TRAF3: variants seen among roughly 807,000 people sequenced by gnomAD.
The protein encoded by TRAF3 is TNF receptor associated factor 3.
Under a neutral mutation model 62.3 loss-of-function variants are expected in TRAF3, and 13 were observed. That is an observed-to-expected ratio of 0.21 (90% CI 0.14 to 0.33). The LOEUF is 0.33. Among genes scored for constraint, TRAF3 ranks in the 10% least tolerant of loss-of-function variants. TRAF3 has a pLI of 1.00. For synonymous variants in TRAF3, 269 were observed against 283.4 expected (o/e 0.95, Z 0.51); for missense variants, 440 against 741.8 (o/e 0.59, Z 4.73).
chr14:102,837,590 C>T (rs988191532), intron 2 of TRAF3, among the ~76,000 whole-genome samples: 5 of 151,676 alleles, frequency 3.3e-5, no homozygotes, highest in Non-Finnish European at 7.4e-5. Context: ...ATATATGAGT[C>T]CTAAGGGAGT....
chr14:102,818,658 C>G (rs1417743080), intron 1 of TRAF3, among the ~76,000 whole-genome samples: 1 of 152,208 alleles, frequency 6.6e-6, no homozygotes, highest in South Asian at 2.1e-4. Flanking sequence ...CTGTTCTACT[C>G]TACGCTTCTT....
chr14:102,837,682 C>T (rs1886112492), intron 2 of TRAF3, among the ~76,000 whole-genome samples: 1 of 151,902 alleles, frequency 6.6e-6, no homozygotes. Flanking sequence ...GGGGTGGATG[C>T]ATCTATTGGG....
At chr14:102,864,151 T>C (rs552046384) in intron 2 of TRAF3, among the ~76,000 whole-genome samples, 448 of 149,454 alleles carry the variant, frequency 3.0e-3, no homozygotes, top group South Asian at 0.012. Context: ...CTTTTTCTTT[T>C]TTTTTTTTTT....
intron 1 of TRAF3, among the ~76,000 whole-genome samples, chr14:102,783,516 A>G (rs1218346617): frequency 6.6e-6 from 1 of 152,230 alleles, no homozygotes; most frequent in African/African-American, 2.4e-5. Flanking sequence ...TTTAGGTTTC[A>G]GAGGCTTTTC....
At chr14:102,787,405 G>A (rs1439298036) in intron 1 of TRAF3, among the ~76,000 whole-genome samples, 1 of 151,974 alleles carries the variant, frequency 6.6e-6, no homozygotes, top group Non-Finnish European at 1.5e-5. Context: ...GGCTGGGCGT[G>A]GTGGCTCACG....
chr14:102,858,716 A>G (rs551435888), intron 2 of TRAF3, among the ~76,000 whole-genome samples: 1 of 152,370 alleles, frequency 6.6e-6, no homozygotes, highest in South Asian at 2.1e-4. Context: ...TCACAATTCT[A>G]GGAGTTTCCC....
intron 1 of TRAF3, among the ~76,000 whole-genome samples, chr14:102,800,055 C>G (rs1178214371): frequency 2.0e-5 from 3 of 152,166 alleles, no homozygotes; most frequent in Non-Finnish European, 4.4e-5. Flanking sequence ...GGGCTGCCTT[C>G]TCAGAGCCCT....
chr14:102,792,462 G>A (rs1476546184), intron 1 of TRAF3, among the ~76,000 whole-genome samples: 1 of 147,524 alleles, frequency 6.8e-6, no homozygotes, highest in Non-Finnish European at 1.5e-5. Context: ...TTTAGTGATG[G>A]GGTCTTGCTG....
At chr14:102,848,773 T>C (rs1197649629) in intron 2 of TRAF3, among the ~76,000 whole-genome samples, 1 of 152,208 alleles carries the variant, frequency 6.6e-6, no homozygotes, top group Non-Finnish European at 1.5e-5. Flanking sequence ...TGTTCAGTAG[T>C]CAGAAGTTCC....
chr14:102,843,171 C>G (rs982242261), intron 2 of TRAF3, among the ~76,000 whole-genome samples: 4 of 151,032 alleles, frequency 2.6e-5, no homozygotes, highest in Non-Finnish European at 4.4e-5. Flanking sequence ...CCACTGCACT[C>G]TAGCCTGGGC....
At chr14:102,854,261 T>G (rs1243780481) in intron 2 of TRAF3, among the ~76,000 whole-genome samples, 1 of 152,170 alleles carries the variant, frequency 6.6e-6, no homozygotes, top group Non-Finnish European at 1.5e-5. Context: ...TGTGAACAAG[T>G]TTTTGCGTGA....
chr14:102,870,324 A>G lies in TRAF3; in HGVS notation c.123A>G (p.Glu41=). The change falls in exon 3 of 12, where the codon GAA becomes GAG. Residue 41 remains glutamate (E), a synonymous_variant. Coordinates refer to ENST00000392745, the MANE Select transcript of TRAF3 (RefSeq NM_145725.3). The stretch of plus-strand genomic sequence containing the variant: ...TCCCTGAACAAGGAGGTTACAAGGA[A>G]AAGTTTGTGAAGACCGTGGAGGACA... ...VFVPEQGGYK[E]KFVKTVEDKY... 1 of 1,614,186 alleles carries G rather than the reference A, an allele frequency of 6.2e-7. No individual in the cohort carries two copies. The highest frequency in any genetic ancestry group is 8.5e-7 in the Non-Finnish European group (1 of 1,180,010).
In TRAF3 at chr14:102,908,620, G is replaced by A. The variant is rs1257110212; in HGVS notation, c.*2836G>A. On this transcript the variant is annotated 3_prime_UTR_variant, in exon 12 of 12. Transcript: ENST00000392745. ...GCATCACAGGGCCCTGGCAGCAAGC[G>A]GGAAATGGGGGCGCACACTGTGTGC... 4.6e-5 allele frequency: 7 copies of A among 152,700 alleles called. No individual in the cohort carries two copies. The highest frequency in any genetic ancestry group is 1.0e-4 in the Non-Finnish European group (7 of 68,428). 9.5% of individuals were successfully genotyped at this position (152,700 alleles called of 1,614,324 possible).
intron 1 of TRAF3, among the ~76,000 whole-genome samples, chr14:102,816,640 A>G (rs754465940): frequency 6.6e-6 from 1 of 152,200 alleles, no homozygotes; most frequent in Non-Finnish European, 1.5e-5. Context: ...GACCAGAGGT[A>G]TTTTTTAATA....
rs1886918475 is a variant in TRAF3 at position 102,849,624 on chromosome 14, C to T, written c.-18+19152C>T. 1.3e-5 allele frequency among the ~76,000 whole-genome samples: 2 copies of T among 152,178 alleles called. 1 individual carries two copies. Among genetic ancestry groups the T allele is most frequent in the South Asian group, 4.1e-4 (2 of 4,828 alleles). ...TCACTTGGTCTGTGTGTCTCTCCCT[C>T]CCTGTCCTAAGGGGGCTTTTCATGT... On this transcript the variant is annotated intron_variant, in intron 2 of 11. Transcript: ENST00000392745.
At chr14:102,853,446 A>C (rs775384067) in intron 2 of TRAF3, among the ~76,000 whole-genome samples, 1 of 152,162 alleles carries the variant, frequency 6.6e-6, no homozygotes, top group Non-Finnish European at 1.5e-5. Context: ...CCCACGAAAA[A>C]AATTGTAAAC....
rs1168963253 is a variant in TRAF3 at position 102,907,651 on chromosome 14, G to A, written c.*1867G>A. 1 of 152,314 alleles carries A rather than the reference G, an allele frequency of 6.6e-6. No individual in the cohort carries two copies. Among genetic ancestry groups the A allele is most frequent in the Non-Finnish European group, 1.5e-5 (1 of 68,102 alleles). 9.4% of individuals were successfully genotyped at this position (152,314 alleles called of 1,614,324 possible). On this transcript the variant is annotated 3_prime_UTR_variant, in exon 12 of 12. Coordinates refer to ENST00000392745, the MANE Select transcript of TRAF3 (RefSeq NM_145725.3). ...CCCGTGGCCGCGCGGGGACAGCTTG[G>A]TGGGTGCCCGGTGGCCCACCTGTCT... is the stretch of plus-strand genomic sequence containing the variant.
intron 4 of TRAF3, among the ~76,000 whole-genome samples, chr14:102,874,138 G>T (rs868728631): frequency 5.9e-5 from 9 of 152,272 alleles, no homozygotes; most frequent in Middle Eastern, 6.8e-3. Context: ...GGAGGCATGC[G>T]CCTGTAGTTC....
At chr14:102,865,697 C>T (rs1161304763) in intron 2 of TRAF3, among the ~76,000 whole-genome samples, 2 of 152,138 alleles carry the variant, frequency 1.3e-5, no homozygotes, top group African/African-American at 2.4e-5. Context: ...CGGGGTTTCA[C>T]CATGTTGGCC....
Sources: allele counts gnomAD v4.1 joint callset (sites outside exome capture counted in the v4.1 genomes callset), GRCh38; gene constraint gnomAD v4.1.1; transcripts MANE v1.5; gene names NCBI Gene and HGNC (gene_info 2026-07-23, HGNC 2026-07-21).